Variants in RPS6KA1 observed in about 807,000 individuals in gnomAD.
RPS6KA1 encodes the protein ribosomal protein S6 kinase alpha-1.
In RPS6KA1, 48 loss-of-function variants were observed where a neutral mutation model predicts 91.3. The ratio of observed to expected loss-of-function variants is 0.53; its 90% CI spans 0.42 to 0.67. The LOEUF is 0.67. Among genes scored for constraint, RPS6KA1 ranks in the 30% least tolerant of loss-of-function variants. RPS6KA1 has a pLI of 0.00. For missense variants in RPS6KA1, 719 were observed against 960.5 expected (o/e 0.75, Z 3.32); for synonymous variants, 359 against 384.7 (o/e 0.93, Z 0.78).
At chr1:26,546,837 C>T in intron 2 of RPS6KA1, 30 bp from the exon 3 acceptor site, 1 of 1,580,328 alleles carries the variant, frequency 6.3e-7, no homozygotes, top group South Asian at 1.1e-5. Flanking sequence ...ATGGGGCCCA[C>T]CATGCCCACC....
intron 17 of RPS6KA1, among the ~76,000 whole-genome samples, chr1:26,562,268 A>T (rs2076160366): frequency 2.6e-5 from 4 of 152,318 alleles, no homozygotes; most frequent in Admixed American, 1.3e-4. Context: ...TCTGAGATAG[A>T]TGCTGTTACT....
chr1:26,549,690 C>CTTTTTTTTTTTTTTTTTTTTT (rs561375723), intron 4 of RPS6KA1, among the ~76,000 whole-genome samples: 2 of 101,914 alleles, frequency 2.0e-5, no homozygotes, highest in African/African-American at 3.7e-5. Flanking sequence ...AAAGCCTGTT[C>CTTTTTTTTTTTTTTTTTTTTT]TTTTTTTTTT....
chr1:26,563,360 G>A (rs554567786), intron 17 of RPS6KA1, among the ~76,000 whole-genome samples: 4 of 151,488 alleles, frequency 2.6e-5, no homozygotes, highest in South Asian at 4.2e-4. Flanking sequence ...CCCAAATAGC[G>A]GGGACCACAG....
In RPS6KA1 at chr1:26,554,176, A is replaced by T. The variant is rs1351429703; in HGVS notation, c.576-38A>T. 3 of 1,547,864 alleles carry T rather than the reference A, an allele frequency of 1.9e-6. No homozygotes were observed. The South Asian group carries it at 3.6e-5, about 18-fold the overall frequency. On this transcript the variant is annotated intron_variant, in intron 7 of 21. Coordinates refer to ENST00000374168, the MANE Select transcript of RPS6KA1 (RefSeq NM_002953.4). The surrounding 1 kb of genome is among the most constrained non-coding windows in gnomAD (Gnocchi z 4.6). ...TGGTAACACCATCACCCACACGGCC[A>T]CAGCTGAGGGGCCCTGACCACTATT...
Position 26,557,073 on chromosome 1 carries a change from A to AC in RPS6KA1, c.1059dup (p.Glu354ArgfsTer62). Reference sequence around the variant, plus strand: ...GCCTGATGACACCTTCTACTTTGACACCGAGTTCACGTCCCGCACACCCAA... The same window carrying AC: ...GCCTGATGACACCTTCTACTTTGACACCCGAGTTCACGTCCCGCACACCCAA... On this transcript the variant is annotated frameshift_variant, in exon 13 of 22. Coordinates refer to ENST00000374168, the MANE Select transcript of RPS6KA1 (RefSeq NM_002953.4). LOFTEE classifies it high-confidence loss of function. 6.2e-7 allele frequency: 1 copy of AC among 1,613,952 alleles called. No individual in the cohort carries two copies.
At position 26,549,738 on chromosome 1, in the gene RPS6KA1, A is replaced by G. The variant is rs951970751; in HGVS notation, c.308-1659A>G. Among the ~76,000 whole-genome samples, 7 of 122,832 alleles carry G rather than the reference A, an allele frequency of 5.7e-5. No individual in the cohort carries two copies. The South Asian group carries it at 7.7e-4, about 14-fold the overall frequency. 80.6% of individuals were successfully genotyped at this position (122,832 alleles called of 152,430 possible). A position where few individuals can be genotyped will look rare whatever the true frequency, so the allele number is the denominator to read the frequency against. On this transcript the variant is annotated intron_variant, in intron 4 of 21. Coordinates refer to ENST00000374168, the MANE Select transcript of RPS6KA1 (RefSeq NM_002953.4). Reference sequence around the variant, plus strand: ...CTTTCCCGAGATGGAGTCTCACTCTATCGCTCAGACTGGAGGGCAGTGGTG... The same window carrying G: ...CTTTCCCGAGATGGAGTCTCACTCTGTCGCTCAGACTGGAGGGCAGTGGTG...
intron 12 of RPS6KA1, 134 bp from the exon 13 acceptor site, chr1:26,556,864 C>A (rs896402188): frequency 5.0e-6 from 6 of 1,204,860 alleles, no homozygotes; most frequent in Non-Finnish European, 7.3e-6. Flanking sequence ...CAAGGGCTGG[C>A]CTCCTGAGGG....
intron 14 of RPS6KA1, among the ~76,000 whole-genome samples, chr1:26,559,963 G>A (rs528639780): frequency 8.5e-5 from 13 of 152,262 alleles, no homozygotes; most frequent in South Asian, 4.1e-4. Flanking sequence ...GTGTTGGCGC[G>A]TGCCTATAGT....
intron 2 of RPS6KA1, among the ~76,000 whole-genome samples, chr1:26,546,239 G>A (rs2075993739): frequency 6.6e-6 from 1 of 152,222 alleles, no homozygotes; most frequent in South Asian, 2.1e-4. Flanking sequence ...ATTGGAGGGA[G>A]GGTAGAGTCC....
At chr1:26,530,812 T>TGA in intron 1 of RPS6KA1, 1 of 1,288,746 alleles carries the variant, frequency 7.8e-7, no homozygotes, top group South Asian at 1.2e-5. Context: ...GGCCACCTCT[T>TGA]CCTGTGCCTT....
intron 2 of RPS6KA1, among the ~76,000 whole-genome samples, chr1:26,543,548 C>T (rs2075965421): frequency 6.6e-6 from 1 of 152,218 alleles, no homozygotes; most frequent in Non-Finnish European, 1.5e-5. Flanking sequence ...ACTCCTCCAT[C>T]TGTCAGGAAG....
chr1:26,566,771 C>T (rs1027846716), intron 17 of RPS6KA1, among the ~76,000 whole-genome samples: 10 of 152,086 alleles, frequency 6.6e-5, no homozygotes, highest in Admixed American at 1.3e-4. Flanking sequence ...TATGTGGAGT[C>T]TTCTTAAGTC....
intron 1 of RPS6KA1, among the ~76,000 whole-genome samples, chr1:26,533,527 GA>G (rs1168875695): frequency 6.6e-6 from 1 of 151,864 alleles, no homozygotes; most frequent in Non-Finnish European, 1.5e-5. Context: ...CCAACATGGC[GA>G]AACCCCGCCT....
At position 26,572,003 on chromosome 1, in the gene RPS6KA1, A is replaced by G. The variant is rs1341810467; in HGVS notation, c.1829+78A>G. ...GCTGAGTGGTGCTTGTCTGATAGGA[A>G]TGGCTCAGCCAGCCCCGCCCCAGGA... is the stretch of plus-strand genomic sequence containing the variant. On this transcript the variant is annotated intron_variant, in intron 19 of 21. Transcript: ENST00000374168. The G allele has an allele frequency of 2.7e-6, 4 of 1,475,010 alleles. No homozygotes were observed. In the African/African-American group the frequency reaches 4.2e-5, roughly 15 times the overall value. 91.4% of individuals were successfully genotyped at this position (1,475,010 alleles called of 1,614,324 possible).
At chr1:26,538,458 C>T (rs1375240642) in intron 2 of RPS6KA1, among the ~76,000 whole-genome samples, 4 of 152,158 alleles carry the variant, frequency 2.6e-5, no homozygotes, top group Non-Finnish European at 5.9e-5. Flanking sequence ...CTTTTGCTCC[C>T]AAGCCTATGA....
intron 17 of RPS6KA1, among the ~76,000 whole-genome samples, chr1:26,567,774 T>C (rs538770999): frequency 7.6e-4 from 115 of 152,182 alleles, no homozygotes; most frequent in Middle Eastern, 3.2e-3. Flanking sequence ...TACTGTGATG[T>C]CCATCATTTC....
chr1:26,561,622 C>T lies in RPS6KA1; in HGVS notation c.1549C>T (p.His517Tyr). The T allele has an allele frequency of 6.2e-7, 1 of 1,613,228 alleles. No homozygotes were observed. Among genetic ancestry groups the T allele is most frequent in the Non-Finnish European group, 8.5e-7 (1 of 1,179,498 alleles). The change falls in exon 17 of 22, where the codon CAC (histidine) becomes TAC (tyrosine). Residue 517 changes from histidine (H) to tyrosine (Y), a missense_variant. Physicochemically the swap from His to Tyr is moderately conservative, Grantham distance 83. This residue lies in a region of RPS6KA1 where 249 missense variants were observed against 323.1 expected (regional missense o/e 0.77). Transcript: ENST00000374168. This position sits in a 1 kb window ranked among gnomAD's most constrained non-coding sequence, Gnocchi z 5.7. Reference protein sequence around the residue: ...FSEREASFVLHTIGKTVEYLH... With the variant: ...FSEREASFVLYTIGKTVEYLH... ...AGAGCGGGAGGCCAGCTTTGTCCTG[C>T]ACACCATTGGCAAAACTGTGGAGTA...
rs763647470 is a variant in RPS6KA1, at chr1:26,554,723, C to T, written c.741C>T (p.Ser247=). 98 of 1,604,858 alleles carry T rather than the reference C, an allele frequency of 6.1e-5. No homozygotes were observed. The South Asian group carries it at 1.0e-3, about 17-fold the overall frequency. Reference sequence around the variant, plus strand: ...ACTCCCATAGTGCGGACTGGTGGTCCTATGGGGTGTTGATGGTGAGTGCCC... The same window carrying T: ...ACTCCCATAGTGCGGACTGGTGGTCTTATGGGGTGTTGATGGTGAGTGCCC... ...QGHSHSADWW[S]YGVLMFEMLT... The change falls in exon 9 of 22, where the codon TCC becomes TCT. Residue 247 remains serine, a synonymous_variant. Coordinates refer to ENST00000374168, the MANE Select transcript of RPS6KA1 (RefSeq NM_002953.4). The surrounding 1 kb of genome is among the most constrained non-coding windows in gnomAD (Gnocchi z 4.6).
rs1327262356 is a variant in RPS6KA1, at chr1:26,553,293, A to G, written c.469-98A>G. ...GCCTGGGGTTTCCAAGGGTCCTCCC[A>G]GGGTGGCTCTTCAGGACCAGGAAGC... On this transcript the variant is annotated intron_variant, in intron 6 of 21. Transcript: ENST00000374168. The G allele has an allele frequency of 5.3e-6, 4 of 752,298 alleles. No homozygotes were observed. In the African/African-American group the frequency reaches 6.9e-5, roughly 13 times the overall value. 46.6% of individuals were successfully genotyped at this position (752,298 alleles called of 1,614,324 possible).
Sources: allele counts gnomAD v4.1 joint callset (sites outside exome capture counted in the v4.1 genomes callset), GRCh38; gene constraint gnomAD v4.1.1; regional missense constraint gnomAD v4.1.1; non-coding constraint Gnocchi (gnomAD v3.1); transcripts MANE v1.5; gene names NCBI Gene and HGNC (gene_info 2026-07-23, HGNC 2026-07-21).